Variants in IGSF21 observed in about 807,000 individuals in gnomAD.
The protein encoded by IGSF21 is immunoglobulin superfamily member 21.
A neutral mutation model predicts 46.8 loss-of-function variants in IGSF21; 28 were observed. The observed-to-expected ratio is 0.60, with a 90% CI of 0.44 to 0.82. The LOEUF (loss-of-function observed/expected upper bound fraction) is 0.82, where lower values mean the gene tolerates loss of function less well. IGSF21 is among the 40% of genes least tolerant of loss of function. The pLI, the probability that IGSF21 is intolerant of heterozygous loss-of-function variation, is 0.00. For synonymous variants in IGSF21, 284 were observed against 273.6 expected (o/e 1.04, Z -0.38); for missense variants, 624 against 665.5 (o/e 0.94, Z 0.69).
chr1:18,120,996 C>A (rs16861578), intron 1 of IGSF21, among the ~76,000 whole-genome samples: 15,912 of 152,166 alleles, frequency 0.1, 936 homozygotes, highest in Middle Eastern at 0.16. Context: ...CTATTTCACA[C>A]GGAGACGTTC....
chr1:18,192,699 C>T (rs71643501), intron 1 of IGSF21, among the ~76,000 whole-genome samples: 3,735 of 152,142 alleles, frequency 0.025, 75 homozygotes, highest in Non-Finnish European at 0.038. Flanking sequence ...GGGTTGGCAT[C>T]GTTCCCCTGC....
At chr1:18,156,889 C>T (rs75269039) in intron 1 of IGSF21, among the ~76,000 whole-genome samples, 402 of 152,254 alleles carry the variant, frequency 2.6e-3, no homozygotes, top group African/African-American at 9.3e-3. Context: ...CTTTGAGGGG[C>T]GGAGGTAGGT....
At chr1:18,344,421 A>G (rs1279113983) in intron 4 of IGSF21, among the ~76,000 whole-genome samples, 3 of 152,076 alleles carry the variant, frequency 2.0e-5, no homozygotes, top group Non-Finnish European at 4.4e-5. Context: ...AGAATACACT[A>G]TACCTCCAAG....
At chr1:18,321,865 G>A (rs1304298634) in intron 3 of IGSF21, among the ~76,000 whole-genome samples, 1 of 152,224 alleles carries the variant, frequency 6.6e-6, no homozygotes, top group East Asian at 1.9e-4. Flanking sequence ...CTCTGGTTGA[G>A]TAACTTCAGC....
intron 4 of IGSF21, among the ~76,000 whole-genome samples, chr1:18,350,783 G>A (rs532869261): frequency 2.0e-4 from 31 of 152,258 alleles, no homozygotes; most frequent in Non-Finnish European, 4.0e-4. Flanking sequence ...TCTCTGACTC[G>A]GGAAATCAAT....
intron 2 of IGSF21, among the ~76,000 whole-genome samples, chr1:18,244,850 A>G (rs1209900492): frequency 6.6e-6 from 1 of 152,192 alleles, no homozygotes; most frequent in Non-Finnish European, 1.5e-5. Flanking sequence ...TGCCTGAGAG[A>G]CAGCATTTTT....
At chr1:18,362,344 C>A (rs377335003) in intron 5 of IGSF21, 114 bp downstream of exon 5, 2 of 735,890 alleles carry the variant, frequency 2.7e-6, no homozygotes, top group Non-Finnish European at 4.6e-6. Context: ...TTGGCCAGGG[C>A]TGACTCTGTC....
intron 3 of IGSF21, among the ~76,000 whole-genome samples, chr1:18,301,471 C>A (rs184854789): frequency 1.7e-3 from 256 of 152,318 alleles, no homozygotes; most frequent in African/African-American, 5.7e-3. Context: ...TCCCGAGTAG[C>A]TGGGATTACA....
At chr1:18,362,602 G>T (rs964896430) in intron 5 of IGSF21, among the ~76,000 whole-genome samples, 13 of 152,114 alleles carry the variant, frequency 8.5e-5, no homozygotes, top group Admixed American at 5.9e-4. Context: ...AAGTCACCAT[G>T]GCACTCCTGA....
intron 2 of IGSF21, among the ~76,000 whole-genome samples, chr1:18,235,759 A>G (rs201824129): frequency 1.3e-5 from 2 of 152,196 alleles, no homozygotes; most frequent in African/African-American, 4.8e-5. Context: ...CAGAGAAGTA[A>G]CAGGGTCTGG....
chr1:18,139,864 A>G (rs993877097), intron 1 of IGSF21, among the ~76,000 whole-genome samples: 5 of 152,204 alleles, frequency 3.3e-5, no homozygotes, highest in African/African-American at 1.2e-4. Context: ...AAGTGCAGAG[A>G]GCTAGGGCTC....
chr1:18,205,565 G>T (rs1368387580), intron 1 of IGSF21, among the ~76,000 whole-genome samples: 1 of 152,150 alleles, frequency 6.6e-6, no homozygotes, highest in Non-Finnish European at 1.5e-5. Context: ...TTGTGAAGGA[G>T]GGTAATCGCA....
chr1:18,142,356 G>A, intron 1 of IGSF21, among the ~76,000 whole-genome samples: 1 of 152,200 alleles, frequency 6.6e-6, no homozygotes, highest in African/African-American at 2.4e-5. Context: ...GTCCAACCGG[G>A]ATTAGAACTC....
chr1:18,204,417 G>A lies in IGSF21; in HGVS notation c.71-23481G>A, dbSNP rs371717429. ...TCAGGGATCCAAAGGAATCTAAAAC[G>A]AGCCAGGACAGGAACACTGCCAGAA... On this transcript the variant is annotated intron_variant, in intron 1 of 9. Coordinates refer to ENST00000251296, the MANE Select transcript of IGSF21 (RefSeq NM_032880.5). Among the ~76,000 whole-genome samples the A allele has an allele frequency of 1.2e-4, 18 of 152,270 alleles. No homozygotes were observed. In the East Asian group the frequency reaches 2.3e-3, roughly 20 times the overall value.
chr1:18,147,264 C>A (rs1452799162), intron 1 of IGSF21, among the ~76,000 whole-genome samples: 1 of 152,176 alleles, frequency 6.6e-6, no homozygotes, highest in East Asian at 1.9e-4. Flanking sequence ...CCATGCCTTA[C>A]TCTCCTTCCT....
chr1:18,290,906 T>C lies in IGSF21; in HGVS notation c.184-960T>C, dbSNP rs1283454738. On this transcript the variant is annotated intron_variant, in intron 2 of 9. Coordinates refer to ENST00000251296, the MANE Select transcript of IGSF21 (RefSeq NM_032880.5). The surrounding 1 kb of genome is among the most constrained non-coding windows in gnomAD (Gnocchi z 4.2). ...AATTCCACTTCTCTAGGCCCAGGCA[T>C]GAGGCCTCCCCATTGCAGGCTGTTA... Among the ~76,000 whole-genome samples, 1 of 151,796 alleles carries C rather than the reference T, an allele frequency of 6.6e-6. No individual in the cohort carries two copies. Among genetic ancestry groups the C allele is most frequent in the African/African-American group, 2.4e-5 (1 of 41,306 alleles).
chr1:18,340,784 T>C (rs2085824854), intron 4 of IGSF21, among the ~76,000 whole-genome samples: 1 of 152,070 alleles, frequency 6.6e-6, no homozygotes, highest in Non-Finnish European at 1.5e-5. Context: ...TTCCCTGGCT[T>C]ATAGATGCAT....
In IGSF21 at chr1:18,322,365, C is replaced by T. The variant is rs1036707312; in HGVS notation, c.306-12527C>T. On this transcript the variant is annotated intron_variant, in intron 3 of 9. Coordinates refer to ENST00000251296, the MANE Select transcript of IGSF21 (RefSeq NM_032880.5). This position sits in a 1 kb window ranked among gnomAD's most constrained non-coding sequence, Gnocchi z 4.3. ...GCAGCCACCTTCCACGCCCGTCTTC[C>T]CTCTTCTGGTGGAGGCAGGCTTGGT... 3.3e-5 allele frequency among the ~76,000 whole-genome samples: 5 copies of T among 152,188 alleles called. No individual in the cohort carries two copies. Among genetic ancestry groups the T allele is most frequent in the East Asian group, 1.9e-4 (1 of 5,148 alleles).
intron 1 of IGSF21, among the ~76,000 whole-genome samples, chr1:18,174,992 G>A (rs1055976222): frequency 5.9e-5 from 9 of 152,222 alleles, no homozygotes; most frequent in Non-Finnish European, 1.3e-4. Flanking sequence ...AGGTGGGACC[G>A]TTCACTGCCA....
Sources: gnomAD v4.1 joint callset for allele counts (sites outside exome capture counted in the v4.1 genomes callset) on GRCh38, gnomAD v4.1.1 for gene constraint, Gnocchi (gnomAD v3.1) non-coding constraint, MANE v1.5 for transcripts, NCBI Gene and HGNC (gene_info 2026-07-23, HGNC 2026-07-21) for gene names.